TTLL5: variants seen among roughly 807,000 people sequenced by gnomAD.
The protein encoded by TTLL5 is tubulin polyglutamylase TTLL5.
In TTLL5, 132 loss-of-function variants were observed where a neutral mutation model predicts 168.4. The ratio of observed to expected loss-of-function variants is 0.78; its 90% confidence interval spans 0.68 to 0.91. The LOEUF (loss-of-function observed/expected upper bound fraction) is 0.91. Ranked by LOEUF, TTLL5 falls within the 40% of genes least tolerant of loss-of-function variation. TTLL5 has a pLI of 0.00. For missense variants in TTLL5, 1,545 were observed against 1,581.5 expected (o/e 0.98, Z 0.39); for synonymous variants, 546 against 558.6 (o/e 0.98, Z 0.32).
At chr14:75,863,199 T>A (rs2030177169) in intron 28 of TTLL5, among the ~76,000 whole-genome samples, 1 of 152,198 alleles carries the variant, frequency 6.6e-6, no homozygotes, top group African/African-American at 2.4e-5. Flanking sequence ...AATATTTAGA[T>A]ATTTAACTGA....
At chr14:75,875,135 G>A (rs1055371721) in intron 29 of TTLL5, among the ~76,000 whole-genome samples, 53 of 149,406 alleles carry the variant, frequency 3.5e-4, no homozygotes, top group African/African-American at 1.2e-3. Context: ...GGGTTTCACC[G>A]TTTTAGCCAG....
At chr14:75,713,701 A>C (rs150908704) in intron 9 of TTLL5, among the ~76,000 whole-genome samples, 1 of 152,210 alleles carries the variant, frequency 6.6e-6, no homozygotes, top group Non-Finnish European at 1.5e-5. Flanking sequence ...AGACTGGAGA[A>C]TGGAGAGTAC....
At chr14:75,762,986 G>A (rs2059381) in intron 18 of TTLL5, among the ~76,000 whole-genome samples, 115,627 of 151,982 alleles carry the variant, frequency 0.76, 44,303 homozygotes, top group Admixed American at 0.81. Context: ...TCAAACATTA[G>A]ATTGTCTCCA....
chr14:75,827,704 G>GTTTTTTTTT (rs1566621341), intron 28 of TTLL5, among the ~76,000 whole-genome samples: 3 of 92,552 alleles, frequency 3.2e-5, no homozygotes, highest in East Asian at 5.7e-4. Context: ...ATTTGGCTTG[G>GTTTTTTTTT]TTCTTTTTTT....
chr14:75,764,102 C>T (rs78204215), intron 18 of TTLL5, among the ~76,000 whole-genome samples: 2,724 of 152,196 alleles, frequency 0.018, 48 homozygotes, highest in Admixed American at 0.06. Flanking sequence ...ACTCGGTGCT[C>T]CCTCACGTAT....
chr14:75,914,133 C>T (rs1277948538), intron 31 of TTLL5, among the ~76,000 whole-genome samples: 9 of 147,674 alleles, frequency 6.1e-5, no homozygotes, highest in Non-Finnish European at 3.0e-5. Context: ...ATGAGTCCCG[C>T]TCTGTCACTC....
chr14:75,745,463 A>C, intron 16 of TTLL5, 27 bp from the exon 17 acceptor site: 1 of 1,609,016 alleles, frequency 6.2e-7, no homozygotes, highest in Non-Finnish European at 8.5e-7. Context: ...CAAAATAGGT[A>C]CTCATTTTAT....
At chr14:75,876,368 A>G (rs932484781) in intron 29 of TTLL5, among the ~76,000 whole-genome samples, 1 of 152,240 alleles carries the variant, frequency 6.6e-6, no homozygotes, top group African/African-American at 2.4e-5. Context: ...CACTGATCTC[A>G]ATTGGTTAGT....
At chr14:75,663,974 C>T (rs548064246) in intron 2 of TTLL5, among the ~76,000 whole-genome samples, 107 of 151,944 alleles carry the variant, frequency 7.0e-4, no homozygotes, top group Admixed American at 2.9e-3. Context: ...ATCTCAGCTA[C>T]TCGGGAGGCT....
At chr14:75,801,616 T>A (rs1893331419) in intron 27 of TTLL5, among the ~76,000 whole-genome samples, 1 of 152,264 alleles carries the variant, frequency 6.6e-6, no homozygotes. Flanking sequence ...CCCCACCCTC[T>A]GTATTTTGTG....
rs974847196 is a variant in TTLL5, at chr14:75,770,108, G to A, written c.2016-1626G>A. ...CAGGAGAATCGCTTGAACCTGGGAG[G>A]CAGAGGTTGCAGTGAACCAAGATCA... On this transcript the variant is annotated intron_variant, in intron 20 of 31. Coordinates refer to ENST00000298832, the MANE Select transcript of TTLL5 (RefSeq NM_015072.5). Among the ~76,000 whole-genome samples, 3 of 141,744 alleles carry A rather than the reference G, an allele frequency of 2.1e-5. No homozygotes were observed. The Admixed American group carries it at 2.2e-4, about 11-fold the overall frequency. The allele number at this position is 141,744 out of a possible 152,430, so 93.0% of individuals were successfully genotyped here.
intron 31 of TTLL5, among the ~76,000 whole-genome samples, chr14:75,911,911 C>T (rs1246087843): frequency 6.6e-6 from 1 of 152,184 alleles, no homozygotes. Context: ...TTCTGATGAT[C>T]GAGAGGAGAG....
intron 30 of TTLL5, chr14:75,887,314 T>C (rs2032172436): frequency 1.0e-6 from 1 of 985,450 alleles, no homozygotes; most frequent in African/African-American, 1.7e-5. Flanking sequence ...GTTATATCTT[T>C]TTAACATATG....
chr14:75,762,713 T>C (rs1027545286), intron 18 of TTLL5, among the ~76,000 whole-genome samples: 2 of 152,228 alleles, frequency 1.3e-5, no homozygotes, highest in Admixed American at 1.3e-4. Context: ...TTTTAAAATA[T>C]CTTTAGAGAA....
At chr14:75,776,462 A>G (rs191298630) in intron 22 of TTLL5, among the ~76,000 whole-genome samples, 2 of 152,364 alleles carry the variant, frequency 1.3e-5, no homozygotes, top group African/African-American at 4.8e-5. Context: ...CTAAGCTACT[A>G]TAAAAACCTC....
In TTLL5 at chr14:75,926,085, GGGGAGA is replaced by G. The variant is rs377178355; in HGVS notation, c.3823+23886_3823+23891del. On this transcript the variant is annotated intron_variant, in intron 31 of 31. Transcript: ENST00000298832. The stretch of plus-strand genomic sequence containing the variant: ...CCGTGGGCCGTGGGCCGTGGGCCGT[GGGGAGA>G]GGGAGAGGGAGAGGGAGAGGGAGAA... Among the ~76,000 whole-genome samples the G allele has an allele frequency of 2.8e-3, 410 of 148,800 alleles. 9 individuals carry two copies. The highest frequency in any genetic ancestry group is 7.6e-3 in the African/African-American group (294 of 38,772).
intron 21 of TTLL5, among the ~76,000 whole-genome samples, chr14:75,772,257 A>T (rs1417556213): frequency 6.6e-6 from 1 of 152,208 alleles, no homozygotes; most frequent in Non-Finnish European, 1.5e-5. Context: ...ACAGAAGAGC[A>T]AACAAAGACC....
chr14:75,663,126 A>C lies in TTLL5; in HGVS notation c.-24A>C, dbSNP rs753083812. On this transcript the variant is annotated 5_prime_UTR_variant, in exon 2 of 32. It removes the in-frame stop codon of an upstream open reading frame in the 5' UTR. Coordinates refer to ENST00000298832, the MANE Select transcript of TTLL5 (RefSeq NM_015072.5). The stretch of plus-strand genomic sequence containing the variant: ...AGGTCTCTGAGGCCCCCGTCTGCTG[A>C]CTGCATGACAAACCCTAAAGGAAAT... The C allele has an allele frequency of 6.2e-7, 1 of 1,611,740 alleles. No individual in the cohort carries two copies. The highest frequency in any genetic ancestry group is 2.2e-5 in the East Asian group (1 of 44,886).
At chr14:75,709,746 C>A (rs1295796440) in intron 9 of TTLL5, 1 of 146,398 alleles carries the variant, frequency 6.8e-6, no homozygotes, top group Non-Finnish European at 1.5e-5. Flanking sequence ...AATCCTAGCA[C>A]TTTGGGAGGC....
Sources: gnomAD v4.1 joint callset for allele counts (sites outside exome capture counted in the v4.1 genomes callset) on GRCh38, gnomAD v4.1.1 for gene constraint, MANE v1.5 for transcripts, NCBI Gene and HGNC (gene_info 2026-07-23, HGNC 2026-07-21) for gene names.